Variants in PSEN1 observed in about 807,000 individuals in gnomAD.
PSEN1 encodes presenilin-1.
A neutral mutation model predicts 53.5 loss-of-function variants in PSEN1; 15 were observed. That is an observed-to-expected ratio of 0.28 (90% CI 0.19 to 0.43). The LOEUF is 0.43. Among genes scored for constraint, PSEN1 ranks in the 20% least tolerant of loss-of-function variants. The probability of loss-of-function intolerance (pLI) is 1.00; values close to 1 mark genes in which losing one functional copy is unlikely to be tolerated. For missense variants in PSEN1, 387 were observed against 571.2 expected (o/e 0.68, Z 3.29); for synonymous variants, 208 against 209.8 (o/e 0.99, Z 0.08).
At chr14:73,183,391 T>C (rs374168443) in intron 5 of PSEN1, among the ~76,000 whole-genome samples, 5,608 of 151,618 alleles carry the variant, frequency 0.037, 277 homozygotes, top group African/African-American at 0.11. Context: ...GGAAGGTCAG[T>C]AGATAAACAA....
chr14:73,190,462 GAC>G (rs1407591010), intron 6 of PSEN1, among the ~76,000 whole-genome samples: 1 of 146,856 alleles, frequency 6.8e-6, no homozygotes. Context: ...TATCCAGGGT[GAC>G]AGTCAGACCT....
At chr14:73,202,555 C>T (rs1189686687) in intron 8 of PSEN1, among the ~76,000 whole-genome samples, 12 of 137,380 alleles carry the variant, frequency 8.7e-5, no homozygotes, top group Admixed American at 6.2e-4. Context: ...TCACTGCAAG[C>T]TCCACCTCCC....
At chr14:73,157,317 T>A (rs991554537) in intron 3 of PSEN1, among the ~76,000 whole-genome samples, 4 of 151,710 alleles carry the variant, frequency 2.6e-5, no homozygotes, top group African/African-American at 7.3e-5. Context: ...TTTTTTTTTT[T>A]AAGTACAGAT....
chr14:73,189,534 C>G (rs1430118861), intron 6 of PSEN1, among the ~76,000 whole-genome samples: 2 of 152,034 alleles, frequency 1.3e-5, no homozygotes, highest in Non-Finnish European at 2.9e-5. Flanking sequence ...GTGGCGTGAA[C>G]CTGGGAGATG....
intron 3 of PSEN1, among the ~76,000 whole-genome samples, chr14:73,157,229 G>A (rs1218414578): frequency 6.7e-6 from 1 of 150,192 alleles, no homozygotes; most frequent in Non-Finnish European, 1.5e-5. Flanking sequence ...GGGTTCAAGC[G>A]ATTCTCCTGC....
At position 73,143,676 on chromosome 14, in the gene PSEN1, C is replaced by T. The variant is rs143344129; in HGVS notation, c.-135-4119C>T. Reference sequence around the variant, plus strand: ...AGCTTGTATGGTTTCTTGTAATAACCGAACAGATCCTGTTAGCATAGGGTA... The same window carrying T: ...AGCTTGTATGGTTTCTTGTAATAACTGAACAGATCCTGTTAGCATAGGGTA... On this transcript the variant is annotated intron_variant, in intron 1 of 11. Coordinates refer to ENST00000324501, the MANE Select transcript of PSEN1 (RefSeq NM_000021.4). Among the ~76,000 whole-genome samples the T allele has an allele frequency of 7.2e-5, 11 of 152,150 alleles. No homozygotes were observed. The East Asian group carries it at 1.9e-3, about 27-fold the overall frequency.
intron 7 of PSEN1, among the ~76,000 whole-genome samples, chr14:73,197,486 CA>C (rs1305875532): frequency 6.6e-6 from 1 of 152,166 alleles, no homozygotes. Context: ...CCTCTTACTT[CA>C]AGTACTTCTC....
chr14:73,143,744 G>A (rs1896989531), intron 1 of PSEN1, among the ~76,000 whole-genome samples: 2 of 152,062 alleles, frequency 1.3e-5, no homozygotes, highest in South Asian at 2.1e-4. Context: ...TGGCTGCAGT[G>A]GCTCAGGCCT....
chr14:73,176,788 G>C (rs758438382), intron 5 of PSEN1, among the ~76,000 whole-genome samples: 1 of 152,140 alleles, frequency 6.6e-6, no homozygotes, highest in African/African-American at 2.4e-5. Context: ...ACTGAGGCAG[G>C]GGTCACACAG....
intron 5 of PSEN1, among the ~76,000 whole-genome samples, chr14:73,178,973 T>C (rs987090994): frequency 6.6e-5 from 10 of 152,186 alleles, no homozygotes; most frequent in Non-Finnish European, 1.3e-4. Context: ...CGGTGTGTAC[T>C]GTTGAGGATC....
At chr14:73,165,316 T>G (rs1203906864) in intron 3 of PSEN1, among the ~76,000 whole-genome samples, 1 of 152,152 alleles carries the variant, frequency 6.6e-6, no homozygotes, top group Admixed American at 6.5e-5. Flanking sequence ...AAAGATGGTG[T>G]CTCACTACAT....
rs1374917901 is a variant in PSEN1, at chr14:73,198,185, G to GA, written c.868+58dup. The GA allele has an allele frequency of 2.9e-6, 3 of 1,023,936 alleles. No individual in the cohort carries two copies. The Admixed American group carries it at 5.5e-5, about 19-fold the overall frequency. The allele number at this position is 1,023,936 out of a possible 1,614,324, so 63.4% of individuals were successfully genotyped here. A position where few individuals can be genotyped will look rare whatever the true frequency, so the allele number is the denominator to read the frequency against. On this transcript the variant is annotated intron_variant, in intron 8 of 11. Coordinates refer to ENST00000324501, the MANE Select transcript of PSEN1 (RefSeq NM_000021.4). ...AATCAGTGTAGAATTTATCGGAACT[G>GA]AAGCACATGTAACTATGGTCATTTT...
intron 5 of PSEN1, among the ~76,000 whole-genome samples, chr14:73,185,594 G>A (rs1898478020): frequency 6.6e-6 from 1 of 151,776 alleles, no homozygotes; most frequent in Non-Finnish European, 1.5e-5. Flanking sequence ...GGAAAGAGAG[G>A]GAGAGGGAGA....
chr14:73,167,350 G>A (rs181266679), intron 3 of PSEN1, among the ~76,000 whole-genome samples: 1 of 152,274 alleles, frequency 6.6e-6, no homozygotes, highest in East Asian at 1.9e-4. Flanking sequence ...CAAAGGAAAT[G>A]CTTATTGGAG....
intron 4 of PSEN1, among the ~76,000 whole-genome samples, chr14:73,172,847 C>T (rs1049311048): frequency 4.6e-5 from 7 of 152,300 alleles, no homozygotes; most frequent in Admixed American, 4.6e-4. Flanking sequence ...CTCTAGCTTA[C>T]TTCAGGGTCC....
At chr14:73,181,946 G>T (rs765102624) in intron 5 of PSEN1, among the ~76,000 whole-genome samples, 15 of 152,016 alleles carry the variant, frequency 9.9e-5, no homozygotes, top group Non-Finnish European at 1.8e-4. Flanking sequence ...GCTAATGTTC[G>T]TATTTTTAGT....
intron 5 of PSEN1, among the ~76,000 whole-genome samples, chr14:73,174,764 T>A (rs755161318): frequency 4.6e-5 from 7 of 152,168 alleles, no homozygotes; most frequent in Non-Finnish European, 1.0e-4. Flanking sequence ...GTAGCCACCA[T>A]GCATCCTCTC....
intron 10 of PSEN1, 33 bp downstream of exon 10, chr14:73,211,975 G>T (rs201510690): frequency 1.2e-6 from 2 of 1,600,376 alleles, no homozygotes; most frequent in Admixed American, 1.7e-5. Flanking sequence ...CAAAGTCATG[G>T]ATTCCTTTAG....
chr14:73,202,418 CTATATATATA>C lies in PSEN1; in HGVS notation c.869-3932_869-3923del, dbSNP rs1248311168. Among the ~76,000 whole-genome samples, 196 of 27,212 alleles carry C rather than the reference CTATATATATA, an allele frequency of 7.2e-3. 2 individuals are homozygous for C. Among genetic ancestry groups the C allele is most frequent in the African/African-American group, 0.02 (116 of 5,922 alleles). 17.9% of individuals were successfully genotyped at this position (27,212 alleles called of 152,430 possible). On this transcript the variant is annotated intron_variant, in intron 8 of 11. Transcript: ENST00000324501. Reference sequence around the variant, plus strand: ...TCTGTTTTAAAATATCTATCACATACTATATATATATATATATATATATATATATATATAT... The same window carrying C: ...TCTGTTTTAAAATATCTATCACATACTATATATATATATATATATATATAT...
Sources: gnomAD v4.1 joint callset for allele counts (sites outside exome capture counted in the v4.1 genomes callset) on GRCh38, gnomAD v4.1.1 for gene constraint, MANE v1.5 for transcripts, NCBI Gene and HGNC (gene_info 2026-07-23, HGNC 2026-07-21) for gene names.